The following MAP2K5 variants were observed in gnomAD, a reference collection of about 807,000 sequenced individuals.
MAP2K5 encodes mitogen-activated protein kinase kinase 5, also known as dual specificity mitogen-activated protein kinase kinase 5.
A neutral mutation model predicts 83.1 loss-of-function variants in MAP2K5; 49 were observed. The ratio of observed to expected loss-of-function variants is 0.59; its 90% CI spans 0.47 to 0.75. MAP2K5 has a LOEUF of 0.75. Ranked by LOEUF, MAP2K5 falls within the 30% of genes least tolerant of loss-of-function variation. The pLI is 0.00. For missense variants in MAP2K5, 457 were observed against 557.5 expected, an observed-to-expected ratio of 0.82 and a Z score of 1.82; for synonymous variants, 202 against 191.8, an observed-to-expected ratio of 1.05 and a Z score of -0.44.
Position 67,782,864 on chromosome 15 carries a change from C to T in MAP2K5, c.1242+10112C>T, listed in dbSNP as rs1220598680. Among the ~76,000 whole-genome samples, 1 of 152,238 alleles carries T rather than the reference C, an allele frequency of 6.6e-6. No homozygotes were observed. The highest frequency in any genetic ancestry group is 1.5e-5 in the Non-Finnish European group (1 of 68,046). Reference sequence around the variant, plus strand: ...GCTTTCCTCCCGTCAGGGAGGTCAGCAGAGCTTCGGCTGGGCGCTGTCTCC... The same window carrying T: ...GCTTTCCTCCCGTCAGGGAGGTCAGTAGAGCTTCGGCTGGGCGCTGTCTCC... On this transcript the variant is annotated intron_variant, in intron 21 of 21. Transcript: ENST00000178640. The surrounding 1 kb of genome is among the most constrained non-coding windows in gnomAD (Gnocchi z 4.9).
In MAP2K5 at chr15:67,777,137, T is replaced by A. The variant is rs895734981; in HGVS notation, c.1242+4385T>A. ...TGACTGTAGGGAGGGAAGTGTTCACTCAGCGGGAGAGTGCTTGCTTGAGGG... is the reference window on the plus strand; with the variant it reads ...TGACTGTAGGGAGGGAAGTGTTCACACAGCGGGAGAGTGCTTGCTTGAGGG... On this transcript the variant is annotated intron_variant, in intron 21 of 21. Coordinates refer to ENST00000178640, the MANE Select transcript of MAP2K5 (RefSeq NM_145160.3). The surrounding 1 kb of genome is among the most constrained non-coding windows in gnomAD (Gnocchi z 6.0). Among the ~76,000 whole-genome samples the A allele has an allele frequency of 1.3e-5, 2 of 152,180 alleles. No homozygotes were observed. The highest frequency in any genetic ancestry group is 2.9e-5 in the Non-Finnish European group (2 of 68,022).
intron 3 of MAP2K5, among the ~76,000 whole-genome samples, chr15:67,574,424 T>C (rs563026339): frequency 6.6e-6 from 1 of 151,690 alleles, no homozygotes; most frequent in East Asian, 1.9e-4. Context: ...ATACAAAAAT[T>C]AGCTGGGCAT....
In MAP2K5 at chr15:67,786,356, G is replaced by A. The variant is rs967342624; in HGVS notation, c.1242+13604G>A. On this transcript the variant is annotated intron_variant, in intron 21 of 21. Coordinates refer to ENST00000178640, the MANE Select transcript of MAP2K5 (RefSeq NM_145160.3). The surrounding 1 kb of genome is among the most constrained non-coding windows in gnomAD (Gnocchi z 4.7). ...CTGGAAGCCATAACTTTTCATGTCT[G>A]TCCTTTATTATTGGTAAAATGTAAT... Among the ~76,000 whole-genome samples, 10 of 152,180 alleles carry A rather than the reference G, an allele frequency of 6.6e-5. 1 individual carries two copies. The highest frequency in any genetic ancestry group is 3.9e-4 in the Admixed American group (6 of 15,286).
intron 2 of MAP2K5, 95 bp downstream of exon 2, chr15:67,550,177 A>G (rs567160260): frequency 2.2e-6 from 2 of 904,146 alleles, no homozygotes; most frequent in Admixed American, 1.9e-5. Flanking sequence ...TGACAAAAAC[A>G]GATTATTTAT....
At chr15:67,626,038 A>G (rs2086313207) in intron 8 of MAP2K5, among the ~76,000 whole-genome samples, 1 of 152,122 alleles carries the variant, frequency 6.6e-6, no homozygotes, top group South Asian at 2.1e-4. Flanking sequence ...ACAACTTTTG[A>G]ATCCTGTGTA....
Position 67,543,412 on chromosome 15 carries a change from G to A in MAP2K5, c.77G>A (p.Ser26Asn). The A allele has an allele frequency of 6.2e-7, 1 of 1,614,140 alleles. No individual in the cohort carries two copies. Among genetic ancestry groups the A allele is most frequent in the Non-Finnish European group, 8.5e-7 (1 of 1,180,024 alleles). Residue 26 changes from serine (S) to asparagine (N), a missense_variant, in exon 1 of 22, where the codon AGT becomes AAT. Physicochemically the swap from Ser to Asn is conservative, Grantham distance 46 (BLOSUM62 1). Transcript: ENST00000178640. The surrounding 1 kb of genome is among the most constrained non-coding windows in gnomAD (Gnocchi z 4.3). The stretch of plus-strand genomic sequence containing the variant: ...GTAATTCGCATCAAGATCCCAAATA[G>A]TGGCGCGGTGGACTGGACAGTGCAC... ...VLVIRIKIPN[S>N]GAVDWTVHSG...
chr15:67,728,399 C>G (rs940397263), intron 17 of MAP2K5, among the ~76,000 whole-genome samples: 6 of 152,096 alleles, frequency 3.9e-5, no homozygotes, highest in Non-Finnish European at 8.8e-5. Context: ...TAATTTTGAA[C>G]ATATTATTTA....
At chr15:67,629,067 C>T (rs750502928) in intron 8 of MAP2K5, 1 of 741,132 alleles carries the variant, frequency 1.3e-6, no homozygotes, top group East Asian at 2.5e-5. Context: ...CTTTGCCAAA[C>T]CATGAAACCA....
chr15:67,789,099 C>T (rs1019633724), intron 21 of MAP2K5, among the ~76,000 whole-genome samples: 8 of 151,982 alleles, frequency 5.3e-5, no homozygotes. Flanking sequence ...CTTGGGTATC[C>T]TTCTAGAATT....
intron 8 of MAP2K5, among the ~76,000 whole-genome samples, chr15:67,606,700 T>G (rs929837576): frequency 6.6e-6 from 1 of 152,224 alleles, no homozygotes; most frequent in Non-Finnish European, 1.5e-5. Flanking sequence ...ATTAAATTAC[T>G]GTTTGGGAGC....
Position 67,628,998 on chromosome 15 carries a change from G to A in MAP2K5, c.546-1890G>A, listed in dbSNP as rs544856473. 3.3e-5 allele frequency: 25 copies of A among 757,050 alleles called. No individual in the cohort carries two copies. The East Asian group carries it at 3.4e-4, about 10-fold the overall frequency. The allele number at this position is 757,050 out of a possible 1,614,324, so 46.9% of individuals were successfully genotyped here. On this transcript the variant is annotated intron_variant, in intron 8 of 21. Transcript: ENST00000178640. Reference sequence around the variant, plus strand: ...CAATCAGTCTTCAAATTTCAGACCCGTGAAGGGAGGAAACTTTGGAGGCAG... The same window carrying A: ...CAATCAGTCTTCAAATTTCAGACCCATGAAGGGAGGAAACTTTGGAGGCAG...
Position 67,557,251 on chromosome 15 carries a change from A to G in MAP2K5, c.185-6032A>G, listed in dbSNP as rs112000317. On this transcript the variant is annotated intron_variant, in intron 2 of 21. Transcript: ENST00000178640. Reference sequence around the variant, plus strand: ...TTTCTCTAGAGAAGTAACTGCTATAAAATGACTGTTGGATTGGTGTTCGTG... The same window carrying G: ...TTTCTCTAGAGAAGTAACTGCTATAGAATGACTGTTGGATTGGTGTTCGTG... Among the ~76,000 whole-genome samples the G allele has an allele frequency of 3.9e-3, 598 of 152,346 alleles. 5 individuals are homozygous for G. The highest frequency in any genetic ancestry group is 0.014 in the African/African-American group (569 of 41,586).
intron 2 of MAP2K5, among the ~76,000 whole-genome samples, chr15:67,556,610 G>C (rs992998017): frequency 2.0e-5 from 3 of 149,058 alleles, no homozygotes; most frequent in African/African-American, 7.5e-5. Flanking sequence ...GGAGTGCAAT[G>C]GCATGATCTC....
chr15:67,691,957 A>T (rs2088124948), intron 13 of MAP2K5, among the ~76,000 whole-genome samples: 1 of 152,234 alleles, frequency 6.6e-6, no homozygotes, highest in Non-Finnish European at 1.5e-5. Context: ...AAAACATGTG[A>T]AATAGCAGTA....
At chr15:67,752,672 C>G (rs559988484) in intron 19 of MAP2K5, among the ~76,000 whole-genome samples, 50 of 146,992 alleles carry the variant, frequency 3.4e-4, no homozygotes, top group African/African-American at 1.2e-3. Flanking sequence ...AGCAAGACAC[C>G]CTCTCAAAAA....
At chr15:67,751,745 C>T (rs538047754) in intron 19 of MAP2K5, among the ~76,000 whole-genome samples, 27 of 152,258 alleles carry the variant, frequency 1.8e-4, no homozygotes, top group Admixed American at 3.3e-4. Context: ...TGGTACTGAA[C>T]GTAAACTTTG....
At chr15:67,588,269 T>C (rs1276079214) in intron 6 of MAP2K5, 1 of 174,486 alleles carries the variant, frequency 5.7e-6, no homozygotes, top group Non-Finnish European at 1.1e-5. Flanking sequence ...CTTTCTTCTC[T>C]CTACTGGGCC....
chr15:67,572,200 G>A lies in MAP2K5; in HGVS notation c.253-8554G>A, dbSNP rs115868303. The stretch of plus-strand genomic sequence containing the variant: ...GAACAGTGTGTTTAAAGAATGCCTG[G>A]TGAGTCAGTAGGAGCTGCCTGTGAT... On this transcript the variant is annotated intron_variant, in intron 3 of 21. Transcript: ENST00000178640. This position sits in a 1 kb window ranked among gnomAD's most constrained non-coding sequence, Gnocchi z 4.2. 3.4e-3 allele frequency among the ~76,000 whole-genome samples: 513 copies of A among 152,274 alleles called. 8 individuals are homozygous for A. Among genetic ancestry groups the A allele is most frequent in the African/African-American group, 0.012 (482 of 41,546 alleles).
At chr15:67,664,756 G>T in intron 13 of MAP2K5, 111 bp downstream of exon 13, 1 of 632,148 alleles carries the variant, frequency 1.6e-6, no homozygotes, top group South Asian at 2.3e-5. Flanking sequence ...TGATACATCT[G>T]GTACTCAAAA....
Sources: allele counts gnomAD v4.1 joint callset (sites outside exome capture counted in the v4.1 genomes callset), GRCh38; gene constraint gnomAD v4.1.1; non-coding constraint Gnocchi (gnomAD v3.1); transcripts MANE v1.5; gene names NCBI Gene and HGNC (gene_info 2026-07-23, HGNC 2026-07-21).